Variants in NALCN observed in about 807,000 individuals in gnomAD.
NALCN encodes the protein sodium leak channel NALCN.
In NALCN, 111 loss-of-function variants were observed where a neutral mutation model predicts 225.3. The ratio of observed to expected loss-of-function variants is 0.49; its 90% CI spans 0.42 to 0.58. NALCN has a LOEUF of 0.58. Ranked by LOEUF, NALCN falls within the 20% of genes least tolerant of loss-of-function variation. NALCN has a pLI of 0.00. For synonymous variants in NALCN, 764 were observed against 769.0 expected (o/e 0.99, Z 0.11); for missense variants, 1,378 against 2,202.4 (o/e 0.63, Z 7.49).
At chr13:101,191,780 A>G (rs2039690569) in intron 14 of NALCN, 137 bp downstream of exon 14, 4 of 748,276 alleles carry the variant, frequency 5.3e-6, no homozygotes, top group Non-Finnish European at 8.2e-6. Context: ...GAATGGAAGG[A>G]GGGATCTCAT....
intron 39 of NALCN, among the ~76,000 whole-genome samples, chr13:101,067,577 C>A (rs1377874379): frequency 3.3e-5 from 5 of 152,170 alleles, no homozygotes; most frequent in Non-Finnish European, 7.4e-5. Flanking sequence ...TTGAGGTGAT[C>A]ATGAATTTGT....
intron 15 of NALCN, among the ~76,000 whole-genome samples, chr13:101,171,688 A>G (rs2038728837): frequency 6.6e-6 from 1 of 152,282 alleles, no homozygotes; most frequent in South Asian, 2.1e-4. Flanking sequence ...GACAAAGGAA[A>G]AGCCATAGAG....
intron 14 of NALCN, among the ~76,000 whole-genome samples, chr13:101,189,117 T>C (rs1247508010): frequency 6.6e-6 from 1 of 152,200 alleles, no homozygotes; most frequent in Admixed American, 6.5e-5. Context: ...TCTATGTGTA[T>C]AGTTTAATTG....
chr13:101,386,943 C>G (rs1320375766), intron 3 of NALCN, among the ~76,000 whole-genome samples: 2 of 152,070 alleles, frequency 1.3e-5, no homozygotes, highest in South Asian at 4.1e-4. Flanking sequence ...ACAGGTTGGC[C>G]AGGCGCGGTG....
Position 101,107,517 on chromosome 13 carries a change from CAA to C in NALCN, c.2547_2548del (p.Phe849LeufsTer13). On this transcript the variant is annotated frameshift_variant, in exon 22 of 44. Coordinates refer to ENST00000251127, the MANE Select transcript of NALCN (RefSeq NM_052867.4). LOFTEE classifies it high-confidence loss of function. ...GAAGCGTGCTCGGACCACCACCCGGCAAAAGTTTCTGAACCTGTGTTCTCGCC... is the reference window on the plus strand; with the variant it reads ...GAAGCGTGCTCGGACCACCACCCGGCAAGTTTCTGAACCTGTGTTCTCGCC... 4 of 1,614,126 alleles carry C rather than the reference CAA, an allele frequency of 2.5e-6. No individual in the cohort carries two copies. The highest frequency in any genetic ancestry group is 3.4e-6 in the Non-Finnish European group (4 of 1,179,978).
At chr13:101,102,783 G>A (rs966007019) in intron 26 of NALCN, among the ~76,000 whole-genome samples, 1 of 152,200 alleles carries the variant, frequency 6.6e-6, no homozygotes, top group Non-Finnish European at 1.5e-5. Context: ...CACACAGAAT[G>A]AGATTAGGAG....
chr13:101,350,723 C>T (rs2139321673), intron 6 of NALCN, among the ~76,000 whole-genome samples: 1 of 152,306 alleles, frequency 6.6e-6, no homozygotes, highest in African/African-American at 2.4e-5. Context: ...TTGTGATTAA[C>T]ACTTAAATTG....
At chr13:101,229,685 G>GA in intron 12 of NALCN, 101 bp from the exon 13 acceptor site, 3 of 980,522 alleles carry the variant, frequency 3.1e-6, no homozygotes, top group Non-Finnish European at 4.2e-6. Context: ...AGTGCTTTAT[G>GA]AAAATCATAC....
chr13:101,338,054 A>C (rs2045439158), intron 7 of NALCN, among the ~76,000 whole-genome samples: 1 of 152,228 alleles, frequency 6.6e-6, no homozygotes, highest in Admixed American at 6.5e-5. Flanking sequence ...TGATACCAAC[A>C]GTTGTCCTAA....
chr13:101,216,947 T>G (rs2040758447), intron 13 of NALCN, among the ~76,000 whole-genome samples: 1 of 152,192 alleles, frequency 6.6e-6, no homozygotes, highest in African/African-American at 2.4e-5. Context: ...AAAATTTAAG[T>G]ACTTTGTGTT....
At chr13:101,191,150 C>T (rs1156632612) in intron 14 of NALCN, among the ~76,000 whole-genome samples, 3 of 151,778 alleles carry the variant, frequency 2.0e-5, no homozygotes, top group African/African-American at 7.3e-5. Flanking sequence ...TAAAGGGAAA[C>T]ATTTGAGTCC....
intron 3 of NALCN, among the ~76,000 whole-genome samples, chr13:101,389,639 T>G (rs1010049538): frequency 2.0e-5 from 3 of 152,150 alleles, no homozygotes; most frequent in African/African-American, 4.8e-5. Context: ...ATAACAACAG[T>G]GGAGGGACCC....
Position 101,104,806 on chromosome 13 carries a change from TAAAAG to T in NALCN, c.2636+83_2636+87del. 6.4e-7 allele frequency: 1 copy of T among 1,564,620 alleles called. No homozygotes were observed. The highest frequency in any genetic ancestry group is 8.8e-7 in the Non-Finnish European group (1 of 1,140,318). ...TTCATAGCACTATATAGCAAGAAAATAAAAGAGAATTTTAATCGTTGTATGCAGCA... is the reference window on the plus strand; with the variant it reads ...TTCATAGCACTATATAGCAAGAAAATAGAATTTTAATCGTTGTATGCAGCA... On this transcript the variant is annotated intron_variant, in intron 23 of 43. Transcript: ENST00000251127. The surrounding 1 kb of genome is among the most constrained non-coding windows in gnomAD (Gnocchi z 4.2).
At chr13:101,350,654 T>C (rs2045881795) in intron 6 of NALCN, among the ~76,000 whole-genome samples, 1 of 152,220 alleles carries the variant, frequency 6.6e-6, no homozygotes, top group Non-Finnish European at 1.5e-5. Flanking sequence ...GACTAAAGTA[T>C]GGTGCCTGGC....
chr13:101,053,908 T>TAA lies in NALCN; in HGVS notation c.*1385_*1386dup, dbSNP rs1257256513. 5 of 152,216 alleles carry TAA rather than the reference T, an allele frequency of 3.3e-5. No homozygotes were observed. Among genetic ancestry groups the TAA allele is most frequent in the Admixed American group, 3.3e-4 (5 of 15,276 alleles). The allele number at this position is 152,216 out of a possible 1,614,324, so 9.4% of individuals were successfully genotyped here. ...TATCTCATAGTTACAATGAATCATA[T>TAA]AAACTGTAGACTGCCACTACCACGA... On this transcript the variant is annotated 3_prime_UTR_variant, in exon 44 of 44. Coordinates refer to ENST00000251127, the MANE Select transcript of NALCN (RefSeq NM_052867.4).
At chr13:101,181,061 C>A in intron 14 of NALCN, 1 of 517,912 alleles carries the variant, frequency 1.9e-6, no homozygotes. Context: ...CCCATCTGGG[C>A]ACATGGGCCA....
intron 2 of NALCN, among the ~76,000 whole-genome samples, chr13:101,397,172 T>C (rs1366413517): frequency 6.8e-6 from 1 of 147,780 alleles, no homozygotes; most frequent in Non-Finnish European, 1.5e-5. Context: ...TATGTATATA[T>C]TATGTTTCAT....
At chr13:101,237,699 T>C in intron 12 of NALCN, 56 bp downstream of exon 12, 4 of 1,175,634 alleles carry the variant, frequency 3.4e-6, no homozygotes, top group South Asian at 3.5e-5. Flanking sequence ...ATGTGACAGG[T>C]ATTTACTCTG....
chr13:101,220,928 A>T (rs561737515), intron 13 of NALCN, among the ~76,000 whole-genome samples: 30 of 152,294 alleles, frequency 2.0e-4, no homozygotes, highest in African/African-American at 4.8e-4. Flanking sequence ...GCAGAAGAAA[A>T]AAAAACACAT....
Sources: allele counts gnomAD v4.1 joint callset (sites outside exome capture counted in the v4.1 genomes callset), GRCh38; gene constraint gnomAD v4.1.1; non-coding constraint Gnocchi (gnomAD v3.1); transcripts MANE v1.5; gene names NCBI Gene and HGNC (gene_info 2026-07-23, HGNC 2026-07-21).